GANAB: variants seen among roughly 807,000 people sequenced by gnomAD.
GANAB encodes the protein neutral alpha-glucosidase AB.
A neutral mutation model predicts 129.9 loss-of-function variants in GANAB; 35 were observed. The ratio of observed to expected loss-of-function variants is 0.27; its 90% CI spans 0.21 to 0.36. The LOEUF (loss-of-function observed/expected upper bound fraction) is 0.36, where lower values mean the gene tolerates loss of function less well. Ranked by LOEUF, GANAB falls within the 10% of genes least tolerant of loss-of-function variation. The pLI is 1.00. For synonymous variants in GANAB, 482 were observed against 451.8 expected (o/e 1.07, Z -0.85); for missense variants, 939 against 1,221.0 (o/e 0.77, Z 3.44).
At chr11:62,627,747 A>G (rs1392603464) in intron 17 of GANAB, among the ~76,000 whole-genome samples, 1 of 151,952 alleles carries the variant, frequency 6.6e-6, no homozygotes, top group Non-Finnish European at 1.5e-5. Context: ...AAAAAAAAAG[A>G]AAAGAAAAGA....
rs1171392074 is a variant in GANAB, at chr11:62,625,877, C to T, written c.2773G>A (p.Val925Met). Residue 925 changes from valine to methionine, a missense_variant, in exon 24 of 24, where the codon GTG becomes ATG. By Grantham distance (21) the Val-to-Met change is conservative. Transcript: ENST00000356638. The part of the protein sequence containing the change: ...LSFQHDPETS[V>M]LVLRKPGINV... ...ATGCCAGGCTTGCGCAGGACCAACA[C>T]AGAGGTCTCAGGGTCATGCTGGAAG... The T allele has an allele frequency of 1.9e-6, 3 of 1,613,964 alleles. No individual in the cohort carries two copies. Among genetic ancestry groups the T allele is most frequent in the Non-Finnish European group, 1.7e-6 (2 of 1,179,844 alleles).
intron 4 of GANAB, 120 bp downstream of exon 4, chr11:62,638,863 C>T: frequency 1.1e-6 from 1 of 884,748 alleles, no homozygotes; most frequent in South Asian, 1.6e-5. Flanking sequence ...AGGAGTATGG[C>T]AAGGTGCTAT....
chr11:62,630,072 C>T, intron 13 of GANAB, 115 bp from the exon 14 acceptor site: 1 of 1,339,604 alleles, frequency 7.5e-7, no homozygotes, highest in Admixed American at 1.9e-5. Context: ...AGGGCCCTCC[C>T]CGGATCATCA....
At chr11:62,637,809 C>T (rs931006898) in intron 4 of GANAB, among the ~76,000 whole-genome samples, 11 of 151,060 alleles carry the variant, frequency 7.3e-5, no homozygotes, top group South Asian at 6.3e-4. Context: ...CTGAGGCGGG[C>T]GGATCACGAG....
intron 21 of GANAB, 25 bp downstream of exon 21, chr11:62,626,543 TGAG>T (rs759873076): frequency 4.6e-6 from 7 of 1,531,230 alleles, no homozygotes; most frequent in African/African-American, 1.4e-5. Context: ...GGCAAATGGC[TGAG>T]GAGACTCGCT....
At chr11:62,639,953 A>G in intron 1 of GANAB, 1 of 525,384 alleles carries the variant, frequency 1.9e-6, no homozygotes, top group East Asian at 3.3e-5. Context: ...AAGGCAGAGT[A>G]GGCTGGGCGT....
intron 4 of GANAB, among the ~76,000 whole-genome samples, chr11:62,638,580 GAGGAAGGAAGGA>G (rs71056537): frequency 0.028 from 4,023 of 144,032 alleles, 212 homozygotes; most frequent in African/African-American, 0.098. Flanking sequence ...AAAAGGAAAG[GAGGAAGGAAGGA>G]AGGAAGGAAG....
intron 4 of GANAB, among the ~76,000 whole-genome samples, chr11:62,638,261 G>A (rs192257072): frequency 1.4e-4 from 22 of 152,126 alleles, no homozygotes; most frequent in Admixed American, 7.2e-4. Context: ...TCAAGTAACC[G>A]TCCTGCCTCG....
At chr11:62,626,980 G>A in intron 19 of GANAB, 46 bp from the exon 20 acceptor site, 1 of 1,577,036 alleles carries the variant, frequency 6.3e-7, no homozygotes, top group Non-Finnish European at 8.7e-7. Flanking sequence ...TCAGTGCACA[G>A]GGGTCCCGTC....
At position 62,630,624 on chromosome 11, in the gene GANAB, G is replaced by A. The variant is rs771153911; in HGVS notation, c.1363C>T (p.Arg455Cys). ...ACCTTCCGCCTCTTAGAAGCCAAGC[G>A]CTCAAGCATGGTGCGGGGCTGAGGG... is the stretch of plus-strand genomic sequence containing the variant. ...RFPQPRTMLE[R>C]LASKRRKLVA... is the part of the protein sequence containing the mutation. The change falls in exon 11 of 24, where the codon CGC (arginine) becomes TGC (cysteine). Residue 455 changes from arginine (R) to cysteine (C), a missense_variant. By Grantham distance (180) the Arg-to-Cys change is radical (BLOSUM62 -3). Transcript: ENST00000356638. 9 of 1,612,428 alleles carry A rather than the reference G, an allele frequency of 5.6e-6. No homozygotes were observed. The highest frequency in any genetic ancestry group is 5.3e-5 in the African/African-American group (4 of 74,888).
intron 10 of GANAB, 63 bp from the exon 11 acceptor site, chr11:62,630,899 G>C: frequency 6.6e-7 from 1 of 1,510,734 alleles, no homozygotes; most frequent in Admixed American, 1.7e-5. Flanking sequence ...GAAACTGAGG[G>C]AGGCTTGTGA....
intron 11 of GANAB, 32 bp downstream of exon 11, chr11:62,630,569 T>C (rs972281629): frequency 1.9e-6 from 3 of 1,611,142 alleles, no homozygotes; most frequent in African/African-American, 2.7e-5. Flanking sequence ...AGCCCTACCC[T>C]GAGAAGACCA....
Position 62,628,854 on chromosome 11 carries a change from C to T in GANAB, c.2095G>A (p.Asp699Asn). 1 of 1,614,132 alleles carries T rather than the reference C, an allele frequency of 6.2e-7. No individual in the cohort carries two copies. The highest frequency in any genetic ancestry group is 8.5e-7 in the Non-Finnish European group (1 of 1,180,028). Residue 699 changes from aspartate (D) to asparagine (N), a missense_variant, in exon 17 of 24, where the codon GAT (aspartate) becomes AAT (asparagine). Asp to Asn is a conservative substitution (Grantham distance 23, BLOSUM62 1). Coordinates refer to ENST00000356638, the MANE Select transcript of GANAB (RefSeq NM_198334.3). ...AAAGAATATCGCTGGCCCAAGGCATCTCGGATTATATCATTGTGCTGAGAT... is the reference window on the plus strand; with the variant it reads ...AAAGAATATCGCTGGCCCAAGGCATTTCGGATTATATCATTGTGCTGAGAT... Reference protein sequence around the residue: ...LPSQHNDIIRDALGQRYSLLP... With the variant: ...LPSQHNDIIRNALGQRYSLLP...
chr11:62,639,480 G>A lies in GANAB; in HGVS notation c.144-13C>T. ...GCTTCTCTGTCGCCTGCCAAGTGAA[G>A]GGTTGGGAAGTAAGGTAAAGGCCAC... On this transcript the variant is annotated splice_polypyrimidine_tract_variant and intron_variant, in intron 2 of 23. Transcript: ENST00000356638. 6.2e-7 allele frequency: 1 copy of A among 1,605,122 alleles called. No individual in the cohort carries two copies. The highest frequency in any genetic ancestry group is 8.5e-7 in the Non-Finnish European group (1 of 1,171,858).
chr11:62,629,093 C>T (rs1943538701), intron 16 of GANAB, 81 bp from the exon 17 acceptor site: 2 of 1,565,670 alleles, frequency 1.3e-6, no homozygotes, highest in South Asian at 1.1e-5. Context: ...AAGGCCCTAA[C>T]TTGGACTCTC....
intron 16 of GANAB, 26 bp from the exon 17 acceptor site, chr11:62,629,038 G>A: frequency 6.2e-7 from 1 of 1,608,758 alleles, no homozygotes; most frequent in Non-Finnish European, 8.5e-7. Flanking sequence ...GAGGAAGCAG[G>A]TTGGAAAAGA....
intron 5 of GANAB, chr11:62,633,847 G>A (rs1159509802): frequency 4.4e-6 from 2 of 450,758 alleles, no homozygotes; most frequent in East Asian, 8.3e-5. Flanking sequence ...CCTCTACTGA[G>A]AGATTCTGGC....
intron 9 of GANAB, among the ~76,000 whole-genome samples, chr11:62,632,344 G>A (rs1212527637): frequency 1.3e-5 from 2 of 152,154 alleles, no homozygotes; most frequent in Admixed American, 1.3e-4. Context: ...GTAACACACT[G>A]ATAATAAGTG....
rs1943319252 is a variant in GANAB, at chr11:62,625,394, G to T, written c.*421C>A. 1 of 424,192 alleles carries T rather than the reference G, an allele frequency of 2.4e-6. No homozygotes were observed. The highest frequency in any genetic ancestry group is 7.0e-5 in the East Asian group (1 of 14,332). 26.3% of individuals were successfully genotyped at this position (424,192 alleles called of 1,614,324 possible). On this transcript the variant is annotated 3_prime_UTR_variant, in exon 24 of 24. Coordinates refer to ENST00000356638, the MANE Select transcript of GANAB (RefSeq NM_198334.3). ...GAGAGCAATCTGGTGGGAGGGAAGG[G>T]GAAAAGGAGCCCTAACTCATTGCCC...
Sources: gnomAD v4.1 joint callset for allele counts (sites outside exome capture counted in the v4.1 genomes callset) on GRCh38, gnomAD v4.1.1 for gene constraint, MANE v1.5 for transcripts, NCBI Gene and HGNC (gene_info 2026-07-23, HGNC 2026-07-21) for gene names.